IMMP2L: variants seen among roughly 807,000 people sequenced by gnomAD.
The protein encoded by IMMP2L is mitochondrial inner membrane protease subunit 2.
Under a neutral mutation model 19.3 loss-of-function variants are expected in IMMP2L, and 18 were observed. That is an observed-to-expected ratio of 0.93 (90% CI 0.64 to 1.38). The LOEUF is 1.38. Among genes scored for constraint, IMMP2L ranks in the 40% most tolerant of loss-of-function variants. The probability of loss-of-function intolerance (pLI) is 0.00; values close to 1 mark genes in which losing one functional copy is unlikely to be tolerated. For synonymous variants in IMMP2L, 76 were observed against 73.0 expected, an observed-to-expected ratio of 1.04 and a Z score of -0.21; for missense variants, 233 against 218.2, an observed-to-expected ratio of 1.07 and a Z score of -0.43.
At chr7:111,345,407 G>A (rs1827439004) in intron 3 of IMMP2L, among the ~76,000 whole-genome samples, 1 of 152,234 alleles carries the variant, frequency 6.6e-6, no homozygotes, top group Non-Finnish European at 1.5e-5. Context: ...GCACACATTG[G>A]ACTGTCTCCT....
At chr7:110,925,523 G>A (rs929030500) in intron 4 of IMMP2L, among the ~76,000 whole-genome samples, 6 of 152,014 alleles carry the variant, frequency 3.9e-5, no homozygotes, top group Non-Finnish European at 8.8e-5. Flanking sequence ...GAAAAGATAC[G>A]AGACTACTTG....
At chr7:111,037,660 G>A (rs943887037) in intron 3 of IMMP2L, among the ~76,000 whole-genome samples, 2 of 152,122 alleles carry the variant, frequency 1.3e-5, no homozygotes, top group Non-Finnish European at 2.9e-5. Flanking sequence ...AAAGAAGGTA[G>A]TTATTATTCA....
In IMMP2L at chr7:111,107,733, G is replaced by T. The variant is rs187904476; in HGVS notation, c.240-144168C>A. 2.8e-4 allele frequency among the ~76,000 whole-genome samples: 43 copies of T among 152,190 alleles called. No homozygotes were observed. The East Asian group carries it at 7.7e-3, about 27-fold the overall frequency. ...AGATTTGTTATTTCAGATCTAGTGA[G>T]TAATAATTTTGTTGGCTAATAATGA... On this transcript the variant is annotated intron_variant, in intron 3 of 5. Transcript: ENST00000405709.
chr7:111,253,890 T>C (rs1337346815), intron 3 of IMMP2L, among the ~76,000 whole-genome samples: 1 of 152,134 alleles, frequency 6.6e-6, no homozygotes, highest in Non-Finnish European at 1.5e-5. Context: ...TGATCTAACA[T>C]TTAAACAAAT....
chr7:110,666,037 A>C (rs1791429553), intron 5 of IMMP2L, among the ~76,000 whole-genome samples: 1 of 152,114 alleles, frequency 6.6e-6, no homozygotes, highest in East Asian at 1.9e-4. Context: ...TTGTAATATC[A>C]AGAAGTCCTT....
intron 3 of IMMP2L, among the ~76,000 whole-genome samples, chr7:111,198,638 T>C (rs1809758289): frequency 6.6e-6 from 1 of 152,192 alleles, no homozygotes; most frequent in South Asian, 2.1e-4. Flanking sequence ...CTTCTACAAA[T>C]GATGCCTTTT....
At chr7:111,233,038 T>C (rs1388771276) in intron 3 of IMMP2L, among the ~76,000 whole-genome samples, 1 of 152,104 alleles carries the variant, frequency 6.6e-6, no homozygotes, top group East Asian at 1.9e-4. Flanking sequence ...TACTAGACTA[T>C]AAACTGCTTC....
At chr7:111,197,737 A>G (rs1809662759) in intron 3 of IMMP2L, among the ~76,000 whole-genome samples, 1 of 152,186 alleles carries the variant, frequency 6.6e-6, no homozygotes, top group East Asian at 1.9e-4. Context: ...TGTTCACTCA[A>G]TACTATTACA....
intron 3 of IMMP2L, among the ~76,000 whole-genome samples, chr7:111,426,140 A>G (rs1836051334): frequency 1.3e-5 from 2 of 151,116 alleles, no homozygotes; most frequent in African/African-American, 4.9e-5. Flanking sequence ...TAACCTTATA[A>G]TACATAAACT....
chr7:110,973,868 T>C (rs2129556984), intron 3 of IMMP2L, among the ~76,000 whole-genome samples: 1 of 152,206 alleles, frequency 6.6e-6, no homozygotes, highest in East Asian at 1.9e-4. Context: ...TCTGAAACCA[T>C]CATTCCATTG....
At chr7:111,360,036 A>G (rs1437228144) in intron 3 of IMMP2L, among the ~76,000 whole-genome samples, 1 of 152,078 alleles carries the variant, frequency 6.6e-6, no homozygotes, top group Non-Finnish European at 1.5e-5. Context: ...TCTGTTCACA[A>G]TTCCTATCCT....
At chr7:110,782,462 T>TA (rs1470402822) in intron 5 of IMMP2L, among the ~76,000 whole-genome samples, 1 of 151,934 alleles carries the variant, frequency 6.6e-6, no homozygotes, top group Non-Finnish European at 1.5e-5. Flanking sequence ...AATGCAGCCT[T>TA]ATTGGTAGAG....
chr7:111,231,546 G>A (rs547103158), intron 3 of IMMP2L, among the ~76,000 whole-genome samples: 1 of 151,678 alleles, frequency 6.6e-6, no homozygotes, highest in South Asian at 2.1e-4. Context: ...TTGCTGCCTG[G>A]TTTTTTTTCC....
At chr7:110,982,795 T>A (rs1585581695) in intron 3 of IMMP2L, among the ~76,000 whole-genome samples, 1 of 152,276 alleles carries the variant, frequency 6.6e-6, no homozygotes, top group Non-Finnish European at 1.5e-5. Flanking sequence ...AGGTATTTTT[T>A]GTAAGTAGGA....
intron 3 of IMMP2L, among the ~76,000 whole-genome samples, chr7:111,067,402 G>A (rs946496732): frequency 2.6e-5 from 4 of 152,170 alleles, no homozygotes; most frequent in Non-Finnish European, 5.9e-5. Flanking sequence ...GTTTGGGTGG[G>A]ACCAATGCGG....
At chr7:110,726,812 A>G (rs1164304842) in intron 5 of IMMP2L, among the ~76,000 whole-genome samples, 3 of 152,148 alleles carry the variant, frequency 2.0e-5, no homozygotes, top group African/African-American at 7.2e-5. Context: ...GCAAAGAGAA[A>G]TTTGCTGAGT....
intron 3 of IMMP2L, among the ~76,000 whole-genome samples, chr7:111,486,904 T>C (rs1466501549): frequency 6.6e-6 from 1 of 152,052 alleles, no homozygotes; most frequent in Non-Finnish European, 1.5e-5. Flanking sequence ...CAAGAAAACA[T>C]TGGGGTAACA....
intron 3 of IMMP2L, among the ~76,000 whole-genome samples, chr7:111,084,494 A>G (rs1796148615): frequency 1.3e-5 from 2 of 152,130 alleles, no homozygotes; most frequent in African/African-American, 4.8e-5. Flanking sequence ...GCACGGATAA[A>G]GAGACTGATT....
At chr7:111,039,337 G>A (rs907559608) in intron 3 of IMMP2L, among the ~76,000 whole-genome samples, 38 of 152,244 alleles carry the variant, frequency 2.5e-4, no homozygotes, top group African/African-American at 9.1e-4. Flanking sequence ...TCAAAAACAT[G>A]TTCAAAACAT....
Sources: allele counts gnomAD v4.1 joint callset (sites outside exome capture counted in the v4.1 genomes callset), GRCh38; gene constraint gnomAD v4.1.1; transcripts MANE v1.5; gene names NCBI Gene and HGNC (gene_info 2026-07-23, HGNC 2026-07-21).